The following SLC13A4 variants were observed in gnomAD, a reference collection of about 807,000 sequenced individuals.
SLC13A4 encodes solute carrier family 13 member 4, also known as Na(+)/sulfate cotransporter SUT-1.
A neutral mutation model predicts 72.7 loss-of-function variants in SLC13A4; 28 were observed. The observed-to-expected ratio is 0.39, with a 90% CI of 0.29 to 0.53. SLC13A4 has a LOEUF of 0.53. SLC13A4 is among the 20% of genes least tolerant of loss of function. The pLI is 0.78. For missense variants in SLC13A4, 653 were observed against 788.0 expected, an observed-to-expected ratio of 0.83 and a Z score of 2.05; for synonymous variants, 312 against 325.5, an observed-to-expected ratio of 0.96 and a Z score of 0.45.
intron 7 of SLC13A4, among the ~76,000 whole-genome samples, chr7:135,701,298 T>C (rs149378777): frequency 8.5e-5 from 13 of 152,322 alleles, no homozygotes; most frequent in African/African-American, 2.9e-4. Flanking sequence ...ACTTCTGCAT[T>C]TTGTTTCAGA....
chr7:135,693,703 A>C (rs1468004844), intron 10 of SLC13A4, among the ~76,000 whole-genome samples: 1 of 152,168 alleles, frequency 6.6e-6, no homozygotes, highest in Middle Eastern at 3.2e-3. Flanking sequence ...TCTCTCTCCA[A>C]GTCTGTCTTT....
chr7:135,692,681 A>T (rs538447852), intron 10 of SLC13A4: 1 of 416,930 alleles, frequency 2.4e-6, no homozygotes, highest in East Asian at 4.9e-5. Flanking sequence ...TTTGTAAAAT[A>T]ATTTCAAATA....
At chr7:135,726,095 T>C (rs920666162) in intron 1 of SLC13A4, among the ~76,000 whole-genome samples, 3 of 152,012 alleles carry the variant, frequency 2.0e-5, no homozygotes, top group South Asian at 2.1e-4. Context: ...CCAGGAGATA[T>C]GAGAGGTTCC....
chr7:135,726,802 A>G (rs1477784815), intron 1 of SLC13A4, among the ~76,000 whole-genome samples: 5 of 152,250 alleles, frequency 3.3e-5, no homozygotes, highest in Non-Finnish European at 7.3e-5. Flanking sequence ...GCATGGGAGC[A>G]GGGCAGCCTG....
At chr7:135,691,732 G>A in intron 11 of SLC13A4, 87 bp from the exon 12 acceptor site, 1 of 895,510 alleles carries the variant, frequency 1.1e-6, no homozygotes, top group Non-Finnish European at 1.8e-6. Flanking sequence ...TCCGAACACA[G>A]TGCCTCTTTT....
At chr7:135,726,165 T>A (rs1389851852) in intron 1 of SLC13A4, among the ~76,000 whole-genome samples, 1 of 151,054 alleles carries the variant, frequency 6.6e-6, no homozygotes, top group Non-Finnish European at 1.5e-5. Flanking sequence ...TATAGCAACC[T>A]ACATGGAGAA....
intron 2 of SLC13A4, among the ~76,000 whole-genome samples, chr7:135,710,585 G>C (rs191315928): frequency 6.6e-6 from 1 of 151,978 alleles, no homozygotes; most frequent in Non-Finnish European, 1.5e-5. Flanking sequence ...GACTTGGTAG[G>C]GGGGGAAGTG....
chr7:135,684,237 G>C lies in SLC13A4; in HGVS notation c.1633C>G (p.Leu545Val). 6.2e-7 allele frequency: 1 copy of C among 1,610,586 alleles called. No individual in the cohort carries two copies. The highest frequency in any genetic ancestry group is 1.1e-5 in the South Asian group (1 of 90,480). The change falls in exon 15 of 16, where the codon CTC becomes GTC. Residue 545 changes from leucine to valine, a missense_variant. Physicochemically the swap from Leu to Val is conservative, Grantham distance 32. Transcript: ENST00000682651. The part of the protein sequence containing the change: ...SLSETLHINP[L>V]YTLIPVTMCI... The stretch of plus-strand genomic sequence containing the variant: ...ATGGTGACTGGGATCAGGGTGTAGA[G>C]GGGGTTAATGTGCAGCGTTTCAGAC...
chr7:135,708,024 A>T, intron 3 of SLC13A4, 90 bp downstream of exon 3: 3 of 1,492,072 alleles, frequency 2.0e-6, no homozygotes, highest in Non-Finnish European at 2.7e-6. Flanking sequence ...GCTGAAGTGG[A>T]CATCCCGCAG....
intron 10 of SLC13A4, among the ~76,000 whole-genome samples, 170 bp downstream of exon 10, chr7:135,693,967 T>G (rs1382975499): frequency 6.6e-6 from 1 of 152,174 alleles, no homozygotes; most frequent in Non-Finnish European, 1.5e-5. Flanking sequence ...CCACCTGAAA[T>G]CTGGGCCAGC....
At chr7:135,723,612 C>G (rs1292028889) in intron 1 of SLC13A4, among the ~76,000 whole-genome samples, 1 of 152,162 alleles carries the variant, frequency 6.6e-6, no homozygotes, top group Non-Finnish European at 1.5e-5. Flanking sequence ...GATCAAGGAA[C>G]CTGACAAATC....
intron 1 of SLC13A4, among the ~76,000 whole-genome samples, chr7:135,726,065 C>T (rs1248241686): frequency 6.6e-6 from 1 of 152,032 alleles, no homozygotes; most frequent in Admixed American, 6.6e-5. Flanking sequence ...CCAAGGTCCC[C>T]AAAGATGGGG....
chr7:135,681,846 G>T, intron 15 of SLC13A4, 146 bp from the exon 16 acceptor site: 1 of 1,048,010 alleles, frequency 9.5e-7, no homozygotes, highest in Non-Finnish European at 1.3e-6. Context: ...TTGCCTTGTA[G>T]GGTGCACAGG....
At chr7:135,722,766 C>T (rs1459103320) in intron 1 of SLC13A4, among the ~76,000 whole-genome samples, 1 of 152,122 alleles carries the variant, frequency 6.6e-6, no homozygotes, top group Non-Finnish European at 1.5e-5. Flanking sequence ...TGAGGTCCTA[C>T]CATGTTTTGC....
intron 2 of SLC13A4, 57 bp downstream of exon 2, chr7:135,721,338 C>T (rs968944090): frequency 6.3e-7 from 1 of 1,598,808 alleles, no homozygotes; most frequent in African/African-American, 1.3e-5. Flanking sequence ...ATTGGAGGCT[C>T]TCTTTCAGGG....
chr7:135,698,009 T>C (rs573397484), intron 8 of SLC13A4, among the ~76,000 whole-genome samples: 8 of 151,956 alleles, frequency 5.3e-5, no homozygotes, highest in Admixed American at 4.6e-4. Context: ...GATTTCCCCC[T>C]TTTTTTCCTT....
chr7:135,727,677 T>C lies in SLC13A4; in HGVS notation c.-181A>G. On this transcript the variant is annotated 5_prime_UTR_variant, in exon 1 of 16. Transcript: ENST00000682651. ...TACCCTCGCTGTTTCTACAAGAGGC[T>C]GGGCTCCTGGCCTCCTGCTTTAGGT... 6.0e-6 allele frequency: 4 copies of C among 664,910 alleles called. No homozygotes were observed. The highest frequency in any genetic ancestry group is 9.6e-6 in the Non-Finnish European group (4 of 417,000). The allele number at this position is 664,910 out of a possible 1,614,324, so 41.2% of individuals were successfully genotyped here. A position where few individuals can be genotyped will look rare whatever the true frequency, so the allele number is the denominator to read the frequency against.
chr7:135,715,100 TGTGAGC>T (rs1796388707), intron 2 of SLC13A4, among the ~76,000 whole-genome samples: 1 of 151,664 alleles, frequency 6.6e-6, no homozygotes, highest in African/African-American at 2.4e-5. Flanking sequence ...AGTGTATGTG[TGTGAGC>T]GTGTATGAGT....
At chr7:135,724,394 GGCT>G (rs1486942081) in intron 1 of SLC13A4, among the ~76,000 whole-genome samples, 1 of 151,732 alleles carries the variant, frequency 6.6e-6, no homozygotes, top group Non-Finnish European at 1.5e-5. Flanking sequence ...CTGCTCTGGA[GGCT>G]GAGGCAGGAG....
Sources: allele counts gnomAD v4.1 joint callset (sites outside exome capture counted in the v4.1 genomes callset), GRCh38; gene constraint gnomAD v4.1.1; transcripts MANE v1.5; gene names NCBI Gene and HGNC (gene_info 2026-07-23, HGNC 2026-07-21).